SPTBN2: variants seen among roughly 807,000 people sequenced by gnomAD.
SPTBN2 encodes the protein spectrin beta, non-erythrocytic 2, also known as spectrin beta chain, non-erythrocytic 2.
Under a neutral mutation model 284.2 loss-of-function variants are expected in SPTBN2, and 107 were observed. The observed-to-expected ratio is 0.38, with a 90% CI of 0.32 to 0.44. The LOEUF (loss-of-function observed/expected upper bound fraction) is 0.44. SPTBN2 is among the 20% of genes least tolerant of loss of function. The pLI is 1.00. For synonymous variants in SPTBN2, 1,289 were observed against 1,354.8 expected (o/e 0.95, Z 1.07); for missense variants, 2,569 against 3,287.1 (o/e 0.78, Z 5.34).
intron 36 of SPTBN2, 39 bp from the exon 37 acceptor site, chr11:66,686,479 C>A (rs760124825): frequency 2.2e-5 from 35 of 1,610,072 alleles, no homozygotes; most frequent in Admixed American, 8.3e-5. Flanking sequence ...AGCTGAGAAT[C>A]CGGATCTGCC....
At chr11:66,713,845 A>G (rs1942007674) in intron 7 of SPTBN2, 99 bp from the exon 8 acceptor site, 2 of 1,112,208 alleles carry the variant, frequency 1.8e-6, no homozygotes, top group Non-Finnish European at 2.7e-6. Flanking sequence ...CACCGACCCA[A>G]TTTTGTCCAG....
chr11:66,736,771 A>AGAATAGGTTTTGT (rs1942853274), intron 1 of SPTBN2, among the ~76,000 whole-genome samples: 1 of 152,228 alleles, frequency 6.6e-6, no homozygotes, highest in Admixed American at 6.5e-5. Context: ...CACTCAGAGA[A>AGAATAGGTTTTGT]GAATAGGTTT....
chr11:66,735,611 T>C (rs1942846276), intron 1 of SPTBN2, among the ~76,000 whole-genome samples: 1 of 151,980 alleles, frequency 6.6e-6, no homozygotes, highest in South Asian at 2.1e-4. Context: ...ACTTGGGTGG[T>C]AGAGGTGGGA....
intron 1 of SPTBN2, among the ~76,000 whole-genome samples, chr11:66,723,317 C>T (rs1942503898): frequency 6.6e-6 from 1 of 152,040 alleles, no homozygotes; most frequent in Admixed American, 6.6e-5. Context: ...CCCAATTTTG[C>T]ATTTCTCCTA....
chr11:66,709,231 G>A (rs925878728), intron 10 of SPTBN2, among the ~76,000 whole-genome samples: 9 of 152,192 alleles, frequency 5.9e-5, no homozygotes, highest in Non-Finnish European at 1.0e-4. Flanking sequence ...AGGCTGGAGT[G>A]CAGTGGTGCG....
intron 29 of SPTBN2, 172 bp from the exon 30 acceptor site, chr11:66,689,352 G>A (rs1421318639): frequency 1.8e-5 from 12 of 673,538 alleles, no homozygotes; most frequent in Admixed American, 5.4e-5. Flanking sequence ...TCAGCTCACT[G>A]CAACCTCCAC....
chr11:66,703,065 C>A (rs1459949066), intron 15 of SPTBN2, among the ~76,000 whole-genome samples: 3 of 150,128 alleles, frequency 2.0e-5, no homozygotes, highest in Non-Finnish European at 3.0e-5. Flanking sequence ...TAAAAAAAAT[C>A]TTTAATTACA....
Position 66,687,679 on chromosome 11 carries a change from T to C in SPTBN2, c.6502-32A>G, listed in dbSNP as rs1351739230. The C allele has an allele frequency of 1.3e-6, 2 of 1,576,848 alleles. No individual in the cohort carries two copies. The highest frequency in any genetic ancestry group is 3.5e-5 in the Admixed American group (2 of 56,416). On this transcript the variant is annotated intron_variant, in intron 34 of 37. Transcript: ENST00000533211. This position sits in a 1 kb window ranked among gnomAD's most constrained non-coding sequence, Gnocchi z 5.2. ...GGGAATCAGTGTCAGTGTCAAAGGT[T>C]GAGACGGGAGATCCCTAACCTGGGT...
At chr11:66,688,995 A>G in intron 30 of SPTBN2, 101 bp downstream of exon 30, 1 of 1,458,638 alleles carries the variant, frequency 6.9e-7, no homozygotes, top group Admixed American at 1.9e-5. Flanking sequence ...GGGCATCGTG[A>G]GTTTCACACC....
Position 66,701,717 on chromosome 11 carries a change from C to T in SPTBN2, c.2683G>A (p.Glu895Lys), listed in dbSNP as rs145702618. ...GTGTTCATTTCAGGCTCCAGGGTCT[C>T]GAACCTGAGAGGGTGGAAGAGCCAG... ...EDLEVVQQRF[E>K]TLEPEMNTLA... The change falls in exon 16 of 38, where the codon GAG becomes AAG. Residue 895 changes from glutamate (E) to lysine (K), a missense_variant. Physicochemically the swap from Glu to Lys is moderately conservative, Grantham distance 56. Transcript: ENST00000533211. 6.2e-6 allele frequency: 10 copies of T among 1,613,902 alleles called. No homozygotes were observed. The highest frequency in any genetic ancestry group is 2.2e-5 in the East Asian group (1 of 44,876).
At chr11:66,716,082 G>A (rs1184890375) in intron 3 of SPTBN2, 101 bp from the exon 4 acceptor site, 3 of 1,518,384 alleles carry the variant, frequency 2.0e-6, no homozygotes, top group East Asian at 2.3e-5. Flanking sequence ...CTGAGAGATG[G>A]GAAGCGGGGT....
At position 66,685,552 on chromosome 11, in the gene SPTBN2, A is replaced by G. The variant is rs1014479355; in HGVS notation, c.*319T>C. 4 of 371,022 alleles carry G rather than the reference A, an allele frequency of 1.1e-5. No homozygotes were observed. Among genetic ancestry groups the G allele is most frequent in the African/African-American group, 6.4e-5 (3 of 46,978 alleles). 23.0% of individuals were successfully genotyped at this position (371,022 alleles called of 1,614,324 possible). A position where few individuals can be genotyped will look rare whatever the true frequency, so the allele number is the denominator to read the frequency against. ...TGAGGCAGGGGCAGCCACTCCCCAC[A>G]TGGCCTATGTTGAGGGTGCGGCACT... On this transcript the variant is annotated 3_prime_UTR_variant, in exon 38 of 38. Coordinates refer to ENST00000533211, the MANE Select transcript of SPTBN2 (RefSeq NM_006946.4). The surrounding 1 kb of genome is among the most constrained non-coding windows in gnomAD (Gnocchi z 4.4).
chr11:66,708,340 G>T lies in SPTBN2; in HGVS notation c.1192-41C>A. The T allele has an allele frequency of 1.3e-6, 2 of 1,531,174 alleles. No homozygotes were observed. Among genetic ancestry groups the T allele is most frequent in the East Asian group, 2.3e-5 (1 of 43,226 alleles). The allele number at this position is 1,531,174 out of a possible 1,614,324, so 94.8% of individuals were successfully genotyped here. ...AGGGTTAGTGGAAGGGACAGGGTGG[G>T]GAGGGCTCAGTGGGGCTGGAGGCAC... is the stretch of plus-strand genomic sequence containing the variant. On this transcript the variant is annotated intron_variant, in intron 11 of 37. Coordinates refer to ENST00000533211, the MANE Select transcript of SPTBN2 (RefSeq NM_006946.4). This position sits in a 1 kb window ranked among gnomAD's most constrained non-coding sequence, Gnocchi z 4.4.
rs1246703377 is a variant in SPTBN2 at position 66,684,591 on chromosome 11, C to T, written c.*1280G>A. 1.3e-5 allele frequency among the ~76,000 whole-genome samples: 2 copies of T among 149,712 alleles called. No homozygotes were observed. Among genetic ancestry groups the T allele is most frequent in the Admixed American group, 6.7e-5 (1 of 14,990 alleles). ...TGGAGGTTGCAATGGGCTGTGATTG[C>T]GCCACTGCAGTCCAGCTTGGCTGAC... On this transcript the variant is annotated 3_prime_UTR_variant, in exon 38 of 38. Coordinates refer to ENST00000533211, the MANE Select transcript of SPTBN2 (RefSeq NM_006946.4).
chr11:66,692,875 G>C, intron 25 of SPTBN2, 95 bp downstream of exon 25: 1 of 1,595,516 alleles, frequency 6.3e-7, no homozygotes, highest in Non-Finnish European at 8.5e-7. Context: ...AGAAGGCTCC[G>C]TGCACACAGC....
At chr11:66,702,445 G>A (rs1276030787) in intron 15 of SPTBN2, among the ~76,000 whole-genome samples, 8 of 151,872 alleles carry the variant, frequency 5.3e-5, no homozygotes, top group East Asian at 2.0e-4. Context: ...GATTACAGGC[G>A]TGAGCCACCT....
upstream of SPTBN2, among the ~76,000 whole-genome samples, chr11:66,730,434 T>G (rs1444447317): frequency 3.3e-5 from 5 of 151,882 alleles, no homozygotes; most frequent in African/African-American, 1.2e-4. Context: ...ATACACAAAT[T>G]AGCCAGGCGT....
Position 66,683,755 on chromosome 11 carries a change from T to C in SPTBN2, c.*2116A>G, listed in dbSNP as rs894883300. On this transcript the variant is annotated 3_prime_UTR_variant, in exon 38 of 38. Coordinates refer to ENST00000533211, the MANE Select transcript of SPTBN2 (RefSeq NM_006946.4). ...TCTCTATTAATTTCTCCATATACATTTCCTTCTGACATTTCCAATTATTGT... is the reference window on the plus strand; with the variant it reads ...TCTCTATTAATTTCTCCATATACATCTCCTTCTGACATTTCCAATTATTGT... Among the ~76,000 whole-genome samples the C allele has an allele frequency of 6.6e-6, 1 of 152,244 alleles. No homozygotes were observed. The highest frequency in any genetic ancestry group is 1.5e-5 in the Non-Finnish European group (1 of 68,038).
chr11:66,689,603 C>T (rs1940395466), intron 29 of SPTBN2, among the ~76,000 whole-genome samples: 1 of 152,170 alleles, frequency 6.6e-6, no homozygotes, highest in South Asian at 2.1e-4. Flanking sequence ...CATGCCTGGC[C>T]CAGGACCAGT....
Sources: gnomAD v4.1 joint callset for allele counts (sites outside exome capture counted in the v4.1 genomes callset) on GRCh38, gnomAD v4.1.1 for gene constraint, Gnocchi (gnomAD v3.1) non-coding constraint, MANE v1.5 for transcripts, NCBI Gene and HGNC (gene_info 2026-07-23, HGNC 2026-07-21) for gene names.